The following BBS1 variants were observed in gnomAD, a reference collection of about 807,000 sequenced individuals.
The protein encoded by BBS1 is BBSome complex member BBS1.
BBS1 carries 60 observed loss-of-function variants against 73.9 expected under a neutral mutation model. The observed-to-expected ratio is 0.81, with a 90% CI of 0.66 to 1.01. The LOEUF (loss-of-function observed/expected upper bound fraction) is 1.01. Ranked by LOEUF, BBS1 falls within the 50% of genes least tolerant of loss-of-function variation. The probability of loss-of-function intolerance (pLI) is 0.00; values close to 1 mark genes in which losing one functional copy is unlikely to be tolerated. For synonymous variants in BBS1, 283 were observed against 317.4 expected, an observed-to-expected ratio of 0.89 and a Z score of 1.15; for missense variants, 718 against 770.3, an observed-to-expected ratio of 0.93 and a Z score of 0.80.
At chr11:66,511,621 AT>A in intron 3 of BBS1, among the ~76,000 whole-genome samples, 1 of 152,262 alleles carries the variant, frequency 6.6e-6, no homozygotes, top group East Asian at 1.9e-4. Flanking sequence ...TGAGCTGTCA[AT>A]TTTTGAAGCT....
At chr11:66,513,717 G>A (rs11827783) in intron 3 of BBS1, among the ~76,000 whole-genome samples, 3,025 of 152,258 alleles carry the variant, frequency 0.02, 90 homozygotes, top group African/African-American at 0.069. Flanking sequence ...TAAATGAAAC[G>A]ATGCATGCAG....
chr11:66,530,042 G>A, intron 14 of BBS1, 90 bp downstream of exon 14: 2 of 1,525,348 alleles, frequency 1.3e-6, no homozygotes, highest in Non-Finnish European at 1.8e-6. Flanking sequence ...AAGCCCCAGA[G>A]CCAATTCCAA....
At chr11:66,514,972 C>T (rs1188165454) in intron 4 of BBS1, among the ~76,000 whole-genome samples, 3 of 152,102 alleles carry the variant, frequency 2.0e-5, no homozygotes, top group Non-Finnish European at 4.4e-5. Flanking sequence ...CCAGCAACCA[C>T]GCCTGGCGAA....
At chr11:66,520,960 C>T (rs1856189968) in intron 8 of BBS1, 1 of 401,568 alleles carries the variant, frequency 2.5e-6, no homozygotes, top group Non-Finnish European at 4.7e-6. Flanking sequence ...CTCAAGCGAT[C>T]CACCCGCCTC....
intron 13 of BBS1, among the ~76,000 whole-genome samples, chr11:66,528,798 G>A (rs968533480): frequency 4.6e-5 from 7 of 151,878 alleles, no homozygotes; most frequent in South Asian, 2.1e-4. Flanking sequence ...GTGAAACCCC[G>A]TCTCTACTAA....
chr11:66,519,883 T>C (rs1351191686), intron 8 of BBS1, 135 bp downstream of exon 8: 6 of 1,216,818 alleles, frequency 4.9e-6, no homozygotes, highest in East Asian at 2.6e-5. Flanking sequence ...AAAAAAGATA[T>C]ATATCCAAAA....
intron 11 of BBS1, among the ~76,000 whole-genome samples, chr11:66,525,056 C>T (rs537793357): frequency 2.0e-5 from 3 of 152,048 alleles, no homozygotes; most frequent in Non-Finnish European, 4.4e-5. Context: ...AAAAATTAGC[C>T]GGGCATGGTG....
At chr11:66,516,928 G>A (rs759561369) in intron 7 of BBS1, among the ~76,000 whole-genome samples, 1 of 152,058 alleles carries the variant, frequency 6.6e-6, no homozygotes, top group South Asian at 2.1e-4. Context: ...GGCCGGGCGC[G>A]GTGGCTCACG....
chr11:66,529,465 G>C, intron 13 of BBS1: 1 of 767,320 alleles, frequency 1.3e-6, no homozygotes, highest in Non-Finnish European at 2.3e-6. Context: ...GTGGTGGTCA[G>C]AGCTGTGGCA....
chr11:66,523,280 T>A, intron 9 of BBS1, 176 bp from the exon 10 acceptor site: 3 of 844,380 alleles, frequency 3.6e-6, no homozygotes, highest in Non-Finnish European at 4.0e-6. Context: ...ACACACTTGA[T>A]GTTTTCCAAG....
At chr11:66,516,389 G>A (rs983200490) in intron 7 of BBS1, among the ~76,000 whole-genome samples, 1 of 152,114 alleles carries the variant, frequency 6.6e-6, no homozygotes, top group Non-Finnish European at 1.5e-5. Flanking sequence ...ACCTCCCAAA[G>A]TGCTCAGATT....
intron 9 of BBS1, chr11:66,522,767 A>G (rs1271609648): frequency 4.1e-6 from 1 of 243,672 alleles, no homozygotes; most frequent in African/African-American, 2.3e-5. Context: ...CATGGCGAAG[A>G]CAGATGTATT....
chr11:66,522,816 G>A, intron 9 of BBS1: 1 of 301,912 alleles, frequency 3.3e-6, no homozygotes, highest in Non-Finnish European at 6.4e-6. Context: ...AATTGGATGA[G>A]TGCTATGGAG....
At chr11:66,510,736 T>C in intron 1 of BBS1, 30 bp downstream of exon 1, 1 of 1,613,534 alleles carries the variant, frequency 6.2e-7, no homozygotes, top group East Asian at 2.2e-5. Flanking sequence ...AGGCCTCTTT[T>C]CCCACCCGTG....
chr11:66,532,164 C>G lies in BBS1; in HGVS notation c.*127C>G. The G allele has an allele frequency of 9.9e-7, 1 of 1,005,246 alleles. No homozygotes were observed. The highest frequency in any genetic ancestry group is 1.5e-6 in the Non-Finnish European group (1 of 688,218). The allele number at this position is 1,005,246 out of a possible 1,614,324, so 62.3% of individuals were successfully genotyped here. A position where few individuals can be genotyped will look rare whatever the true frequency, so the allele number is the denominator to read the frequency against. ...CAGCTCGTCTCCCCTCTCTTAAGCA[C>G]CCGCTTCCTCACCACCCCCACTGTT... On this transcript the variant is annotated 3_prime_UTR_variant, in exon 17 of 17. Transcript: ENST00000318312.
chr11:66,529,354 G>T, intron 13 of BBS1: 1 of 1,512,660 alleles, frequency 6.6e-7, no homozygotes, highest in African/African-American at 1.4e-5. Context: ...GGTGTTGATG[G>T]GACCTCCCTG....
chr11:66,530,756 T>G, intron 14 of BBS1, 138 bp from the exon 15 acceptor site: 1 of 1,275,926 alleles, frequency 7.8e-7, no homozygotes, highest in Non-Finnish European at 1.1e-6. Flanking sequence ...CCCCTTCTGG[T>G]CTTCTGTGTC....
At chr11:66,524,911 C>T (rs990215877) in intron 11 of BBS1, among the ~76,000 whole-genome samples, 2 of 151,924 alleles carry the variant, frequency 1.3e-5, no homozygotes, top group South Asian at 4.2e-4. Flanking sequence ...ACAAATTAGC[C>T]GGGTATGGGC....
chr11:66,511,369 G>C, intron 3 of BBS1, 130 bp downstream of exon 3: 1 of 1,137,958 alleles, frequency 8.8e-7, no homozygotes, highest in Non-Finnish European at 1.2e-6. Flanking sequence ...CACATTTAGC[G>C]TTAAATTTTG....
Sources: allele counts gnomAD v4.1 joint callset (sites outside exome capture counted in the v4.1 genomes callset), GRCh38; gene constraint gnomAD v4.1.1; transcripts MANE v1.5; gene names NCBI Gene and HGNC (gene_info 2026-07-23, HGNC 2026-07-21).